The following BIRC5 variants were observed in gnomAD, a reference collection of about 807,000 sequenced individuals.
BIRC5 encodes baculoviral IAP repeat-containing protein 5.
Under a neutral mutation model 15.8 loss-of-function variants are expected in BIRC5, and 8 were observed. The ratio of observed to expected loss-of-function variants is 0.51; its 90% confidence interval spans 0.30 to 0.91. BIRC5 has a LOEUF of 0.91. Ranked by LOEUF, BIRC5 falls within the 40% of genes least tolerant of loss-of-function variation. BIRC5 has a pLI of 0.07. For synonymous variants in BIRC5, 56 were observed against 64.5 expected, an observed-to-expected ratio of 0.87 and a Z score of 0.63; for missense variants, 163 against 178.6, an observed-to-expected ratio of 0.91 and a Z score of 0.50.
chr17:78,215,395 C>T (rs1282300721), intron 2 of BIRC5, among the ~76,000 whole-genome samples: 1 of 149,576 alleles, frequency 6.7e-6, no homozygotes, highest in Non-Finnish European at 1.5e-5. Flanking sequence ...CCAGCCTCGG[C>T]GACAGAGCGA....
Position 78,220,716 on chromosome 17 carries a change from T to C in BIRC5, c.340-2749T>C, listed in dbSNP as rs1241914997. Among the ~76,000 whole-genome samples, 2 of 151,544 alleles carry C rather than the reference T, an allele frequency of 1.3e-5. 1 individual carries two copies. The highest frequency in any genetic ancestry group is 2.9e-5 in the Non-Finnish European group (2 of 68,044). Reference sequence around the variant, plus strand: ...TTATTACTTTAATTTTGAAACAATATAATCTTTTTTTTGTTGTTTTTTTGA... The same window carrying C: ...TTATTACTTTAATTTTGAAACAATACAATCTTTTTTTTGTTGTTTTTTTGA... On this transcript the variant is annotated intron_variant, in intron 3 of 3. Coordinates refer to ENST00000350051, the MANE Select transcript of BIRC5 (RefSeq NM_001168.3).
intron 3 of BIRC5, among the ~76,000 whole-genome samples, chr17:78,219,393 T>C (rs1433603293): frequency 5.9e-5 from 9 of 151,994 alleles, no homozygotes; most frequent in African/African-American, 2.2e-4. Flanking sequence ...CCATGTTGGC[T>C]AAGCTGGTCT....
chr17:78,222,523 G>A (rs17885637), intron 3 of BIRC5, among the ~76,000 whole-genome samples: 12,580 of 152,096 alleles, frequency 0.083, 679 homozygotes, highest in Middle Eastern at 0.2. Context: ...AAAATTAGCC[G>A]GGGTGGTGGC....
chr17:78,216,079 C>G, intron 2 of BIRC5: 1 of 650,744 alleles, frequency 1.5e-6, no homozygotes, highest in Non-Finnish European at 2.0e-6. Flanking sequence ...GAAACCCCGT[C>G]TCCACTAAAA....
At chr17:78,215,108 C>CA (rs2076468220) in intron 2 of BIRC5, 3 of 281,374 alleles carry the variant, frequency 1.1e-5, no homozygotes, top group South Asian at 9.9e-5. Flanking sequence ...TTTTAAAAAA[C>CA]AGTTTAATTG....
intron 2 of BIRC5, among the ~76,000 whole-genome samples, chr17:78,215,357 C>T (rs920396280): frequency 1.3e-5 from 2 of 151,538 alleles, no homozygotes; most frequent in Admixed American, 6.6e-5. Flanking sequence ...GCGGAGGTTG[C>T]AGTGAGCCGA....
chr17:78,218,656 G>A (rs2076496735), intron 3 of BIRC5, among the ~76,000 whole-genome samples: 1 of 149,124 alleles, frequency 6.7e-6, no homozygotes, highest in African/African-American at 2.5e-5. Context: ...AGGCTGGAGT[G>A]CAGTGGCACG....
At position 78,216,601 on chromosome 17, in the gene BIRC5, G is replaced by A. The variant is rs138660017; in HGVS notation, c.222-63G>A. The A allele has an allele frequency of 2.1e-5, 30 of 1,446,488 alleles. No individual in the cohort carries two copies. The African/African-American group carries it at 4.2e-4, about 20-fold the overall frequency. 89.6% of individuals were successfully genotyped at this position (1,446,488 alleles called of 1,614,324 possible). Reference sequence around the variant, plus strand: ...TGGAGGGCGTGGGGAGGTGGCCCGTGGGGAGTGGACTGCCGCTTTAATCCC... The same window carrying A: ...TGGAGGGCGTGGGGAGGTGGCCCGTAGGGAGTGGACTGCCGCTTTAATCCC... On this transcript the variant is annotated intron_variant, in intron 2 of 3. Coordinates refer to ENST00000350051, the MANE Select transcript of BIRC5 (RefSeq NM_001168.3).
Position 78,216,480 on chromosome 17 carries a change from A to T in BIRC5, c.222-184A>T, listed in dbSNP as rs535143497. 7 of 579,708 alleles carry T rather than the reference A, an allele frequency of 1.2e-5. No individual in the cohort carries two copies. The East Asian group carries it at 2.0e-4, about 17-fold the overall frequency. 35.9% of individuals were successfully genotyped at this position (579,708 alleles called of 1,614,324 possible). A position where few individuals can be genotyped will look rare whatever the true frequency, so the allele number is the denominator to read the frequency against. On this transcript the variant is annotated intron_variant, in intron 2 of 3. Coordinates refer to ENST00000350051, the MANE Select transcript of BIRC5 (RefSeq NM_001168.3). ...TGTCCACAGGGAGAGAGAAGGTGCT[A>T]AGAGGTGCCATATGGGAATGTGGCT...
At chr17:78,218,903 G>A (rs534242206) in intron 3 of BIRC5, among the ~76,000 whole-genome samples, 71 of 152,154 alleles carry the variant, frequency 4.7e-4, no homozygotes, top group Non-Finnish European at 9.1e-4. Flanking sequence ...TACTGCACCA[G>A]GCCTGGGCGT....
Position 78,218,871 on chromosome 17 carries a change from C to T in BIRC5, c.339+2090C>T, listed in dbSNP as rs982221623. Among the ~76,000 whole-genome samples, 10 of 152,060 alleles carry T rather than the reference C, an allele frequency of 6.6e-5. No homozygotes were observed. The East Asian group carries it at 1.4e-3, about 21-fold the overall frequency. ...ATCTGCCTGCCTCGGCCTCCCAAAG[C>T]GCTGAGATTACAGGTGTGATCTACT... On this transcript the variant is annotated intron_variant, in intron 3 of 3. Coordinates refer to ENST00000350051, the MANE Select transcript of BIRC5 (RefSeq NM_001168.3).
At chr17:78,220,396 C>A (rs192391027) in intron 3 of BIRC5, among the ~76,000 whole-genome samples, 2,765 of 151,410 alleles carry the variant, frequency 0.018, 33 homozygotes, top group South Asian at 0.024. Context: ...CCACTGCACT[C>A]CAGCCTGGGC....
intron 1 of BIRC5, 28 bp downstream of exon 1, chr17:78,214,455 C>T (rs1292575171): frequency 7.9e-6 from 12 of 1,510,194 alleles, no homozygotes; most frequent in African/African-American, 1.4e-5. Context: ...CCTGGGGTCC[C>T]CCACGCCCGC....
At chr17:78,220,633 T>C (rs1330779948) in intron 3 of BIRC5, among the ~76,000 whole-genome samples, 1 of 152,202 alleles carries the variant, frequency 6.6e-6, no homozygotes, top group African/African-American at 2.4e-5. Context: ...TTGAACTGTT[T>C]TTTTTGTTTG....
rs2076535608 is a variant in BIRC5, at chr17:78,224,303, C to A, written c.*749C>A. 1 of 152,188 alleles carries A rather than the reference C, an allele frequency of 6.6e-6. No individual in the cohort carries two copies. Among genetic ancestry groups the A allele is most frequent in the Non-Finnish European group, 1.5e-5 (1 of 68,040 alleles). 9.4% of individuals were successfully genotyped at this position (152,188 alleles called of 1,614,324 possible). The stretch of plus-strand genomic sequence containing the variant: ...AGTGATAGGAAGCGTCTGGCAGATA[C>A]TCCTTTTGCCACTGCTGTGTGATTA... On this transcript the variant is annotated 3_prime_UTR_variant, in exon 4 of 4. Transcript: ENST00000350051.
intron 3 of BIRC5, among the ~76,000 whole-genome samples, chr17:78,218,759 C>A (rs997949723): frequency 6.6e-6 from 1 of 151,748 alleles, no homozygotes; most frequent in Non-Finnish European, 1.5e-5. Flanking sequence ...CCCACCACCA[C>A]GCCTGGCTAA....
chr17:78,216,801 A>C lies in BIRC5; in HGVS notation c.339+20A>C, dbSNP rs752614601. 1.3e-6 allele frequency: 2 copies of C among 1,575,942 alleles called. No homozygotes were observed. The highest frequency in any genetic ancestry group is 1.7e-6 in the Non-Finnish European group (2 of 1,148,056). ...AAAATTGTATGTATTGGGAATAAGAACTGCTCAAACCCTGTTCAATGTCTT... is the reference window on the plus strand; with the variant it reads ...AAAATTGTATGTATTGGGAATAAGACCTGCTCAAACCCTGTTCAATGTCTT... On this transcript the variant is annotated intron_variant, in intron 3 of 3. Coordinates refer to ENST00000350051, the MANE Select transcript of BIRC5 (RefSeq NM_001168.3).
In BIRC5 at chr17:78,225,217, G is replaced by C. The variant is rs2076541886; in HGVS notation, c.*1663G>C. 1 of 152,188 alleles carries C rather than the reference G, an allele frequency of 6.6e-6. No individual in the cohort carries two copies. Among genetic ancestry groups the C allele is most frequent in the South Asian group, 2.1e-4 (1 of 4,828 alleles). The allele number at this position is 152,188 out of a possible 1,614,324, so 9.4% of individuals were successfully genotyped here. A position where few individuals can be genotyped will look rare whatever the true frequency, so the allele number is the denominator to read the frequency against. On this transcript the variant is annotated 3_prime_UTR_variant, in exon 4 of 4. Transcript: ENST00000350051. ...CTGTGCTGTGGGCAGGGCTGAGCTG[G>C]AGCCGCCCCTCTCAGCCCGCCTGCC...
intron 3 of BIRC5, among the ~76,000 whole-genome samples, chr17:78,220,150 C>T (rs996552353): frequency 1.4e-5 from 2 of 147,376 alleles, no homozygotes; most frequent in Non-Finnish European, 3.0e-5. Flanking sequence ...CTTTCAGGGC[C>T]GGGCATGGTG....
Sources: allele counts gnomAD v4.1 joint callset (sites outside exome capture counted in the v4.1 genomes callset), GRCh38; gene constraint gnomAD v4.1.1; transcripts MANE v1.5; gene names NCBI Gene and HGNC (gene_info 2026-07-23, HGNC 2026-07-21).